Variants in CENPS observed in about 807,000 individuals in gnomAD.
CENPS encodes FANCM associated histone fold protein 1.
A neutral mutation model predicts 17.9 loss-of-function variants in CENPS; 16 were observed. The ratio of observed to expected loss-of-function variants is 0.90; its 90% CI spans 0.61 to 1.36. The LOEUF is 1.36. Ranked by LOEUF, CENPS falls within the 40% of genes most tolerant of loss-of-function variation. The pLI is 0.00. For synonymous variants in CENPS, 49 were observed against 55.8 expected, an observed-to-expected ratio of 0.88 and a Z score of 0.54; for missense variants, 160 against 158.6, an observed-to-expected ratio of 1.01 and a Z score of -0.05.
At chr1:10,440,221 T>G (rs984961479) in intron 3 of CENPS, 126 bp from the exon 4 acceptor site, 2 of 1,279,814 alleles carry the variant, frequency 1.6e-6, no homozygotes, top group Non-Finnish European at 2.1e-6. Flanking sequence ...TTAATGCCCT[T>G]TATCTAAAAG....
At chr1:10,430,639 G>C in intron 1 of CENPS, 71 bp downstream of exon 1, 1 of 1,484,704 alleles carries the variant, frequency 6.7e-7, no homozygotes, top group Non-Finnish European at 9.0e-7. Context: ...AAAGTACCCG[G>C]CAGCCCCCGG....
intron 3 of CENPS, among the ~76,000 whole-genome samples, chr1:10,437,163 C>CT (rs529893602): frequency 1.2e-3 from 181 of 151,202 alleles, no homozygotes; most frequent in Non-Finnish European, 2.2e-3. Flanking sequence ...TTTCTTGTTT[C>CT]TTTTTTTTTC....
chr1:10,434,842 C>A, intron 3 of CENPS, 152 bp downstream of exon 3: 1 of 1,163,274 alleles, frequency 8.6e-7, no homozygotes, highest in Non-Finnish European at 1.2e-6. Flanking sequence ...AAGAACATGA[C>A]GCCTCCTTCA....
rs774404544 is a variant in CENPS, at chr1:10,433,839, C to T, written c.52-3C>T. 16 of 1,613,760 alleles carry T rather than the reference C, an allele frequency of 9.9e-6. No individual in the cohort carries two copies. In the African/African-American group the frequency reaches 2.0e-4, roughly 20 times the overall value. On this transcript the variant is annotated splice_polypyrimidine_tract_variant and splice_region_variant and intron_variant, in intron 1 of 4. Coordinates refer to ENST00000309048, the MANE Select transcript of CENPS (RefSeq NM_199294.3). ...CGTGAAATATTTTGATGTTTTTCCC[C>T]AGAGGCTAAAGGCAGCAGTTCACTA...
chr1:10,437,758 A>ATTTTTTT (rs59257602), intron 3 of CENPS, among the ~76,000 whole-genome samples: 1 of 123,192 alleles, frequency 8.1e-6, no homozygotes. Context: ...TGCCTGGCCA[A>ATTTTTTT]TTTTTTTTTT....
chr1:10,436,729 AAAG>A (rs1392791855), intron 3 of CENPS, among the ~76,000 whole-genome samples: 1 of 104,408 alleles, frequency 9.6e-6, no homozygotes, highest in Admixed American at 1.0e-4. Context: ...AAAGAAAAGA[AAAG>A]AAAAAAAAAA....
At chr1:10,433,146 C>G (rs1639996719) in intron 1 of CENPS, among the ~76,000 whole-genome samples, 1 of 152,196 alleles carries the variant, frequency 6.6e-6, no homozygotes, top group Non-Finnish European at 1.5e-5. Context: ...CAACAGAACT[C>G]TGTCGACACG....
chr1:10,438,785 G>T (rs1036787435), intron 3 of CENPS, among the ~76,000 whole-genome samples: 1 of 152,112 alleles, frequency 6.6e-6, no homozygotes, highest in African/African-American at 2.4e-5. Flanking sequence ...TTTCCTAAAC[G>T]CTTTCTCGTA....
chr1:10,441,422 C>T (rs1640404293), intron 4 of CENPS, among the ~76,000 whole-genome samples: 1 of 147,230 alleles, frequency 6.8e-6, no homozygotes, highest in African/African-American at 2.5e-5. Flanking sequence ...TCCAGTGATA[C>T]TTTCACCTTA....
intron 3 of CENPS, 35 bp from the exon 4 acceptor site, chr1:10,440,312 A>C (rs761253707): frequency 1.2e-6 from 2 of 1,609,052 alleles, no homozygotes; most frequent in South Asian, 2.2e-5. Flanking sequence ...AATAATACCA[A>C]ACATTTTGGT....
intron 3 of CENPS, among the ~76,000 whole-genome samples, chr1:10,438,493 ATTG>A (rs1640271735): frequency 6.6e-6 from 1 of 152,200 alleles, no homozygotes; most frequent in Non-Finnish European, 1.5e-5. Flanking sequence ...GTCTCCTAGT[ATTG>A]TTAACAATCA....
intron 1 of CENPS, chr1:10,430,818 C>T (rs553557633): frequency 1.5e-6 from 2 of 1,350,594 alleles, no homozygotes; most frequent in Admixed American, 3.8e-5. Flanking sequence ...GCGCCGGGGT[C>T]CGGCGGCGAG....
chr1:10,430,659 A>C (rs1316089790), intron 1 of CENPS, 91 bp downstream of exon 1: 1 of 1,465,054 alleles, frequency 6.8e-7, no homozygotes, highest in Non-Finnish European at 9.1e-7. Context: ...GCGGCTTCTC[A>C]TCGGCACCCC....
chr1:10,440,110 C>T (rs1368705674), intron 3 of CENPS: 1 of 547,234 alleles, frequency 1.8e-6, no homozygotes, highest in African/African-American at 1.9e-5. Context: ...CTTCGGGTAC[C>T]CTTGGCCCTA....
chr1:10,440,199 T>G, intron 3 of CENPS, 148 bp from the exon 4 acceptor site: 1 of 1,035,434 alleles, frequency 9.7e-7, no homozygotes, highest in Non-Finnish European at 1.4e-6. Flanking sequence ...CTAATTTTTG[T>G]GTCACTTTTG....
intron 3 of CENPS, among the ~76,000 whole-genome samples, chr1:10,436,832 A>G (rs867987141): frequency 6.6e-6 from 1 of 152,174 alleles, no homozygotes; most frequent in African/African-American, 2.4e-5. Context: ...GAGGCAGGGA[A>G]GCACCCCCTC....
At chr1:10,436,170 G>A (rs925271694) in intron 3 of CENPS, among the ~76,000 whole-genome samples, 6 of 151,008 alleles carry the variant, frequency 4.0e-5, no homozygotes, top group African/African-American at 1.2e-4. Flanking sequence ...TAGAGATGGC[G>A]TTTCACCATG....
intron 3 of CENPS, among the ~76,000 whole-genome samples, chr1:10,439,232 CA>C (rs1433944229): frequency 5.9e-5 from 9 of 152,274 alleles, no homozygotes; most frequent in African/African-American, 2.2e-4. Context: ...GTGTGCTGGC[CA>C]GTTTGCTAGT....
chr1:10,434,715 A>G (rs192061721), intron 3 of CENPS, 25 bp downstream of exon 3: 2 of 1,591,574 alleles, frequency 1.3e-6, no homozygotes, highest in East Asian at 4.6e-5. Context: ...TGATTATCCG[A>G]CACTGCGTCT....
Sources: allele counts gnomAD v4.1 joint callset (sites outside exome capture counted in the v4.1 genomes callset), GRCh38; gene constraint gnomAD v4.1.1; transcripts MANE v1.5; gene names NCBI Gene and HGNC (gene_info 2026-07-23, HGNC 2026-07-21).